Variants in KAZN observed in about 807,000 individuals in gnomAD.
KAZN encodes the protein kazrin.
A neutral mutation model predicts 87.4 loss-of-function variants in KAZN; 40 were observed. The ratio of observed to expected loss-of-function variants is 0.46; its 90% CI spans 0.36 to 0.60. The LOEUF is 0.60. Ranked by LOEUF, KAZN falls within the 20% of genes least tolerant of loss-of-function variation. The pLI, the probability that KAZN is intolerant of heterozygous loss-of-function variation, is 0.00. For missense variants in KAZN, 898 were observed against 1,073.9 expected (o/e 0.84, Z 2.29); for synonymous variants, 466 against 458.3 (o/e 1.02, Z -0.22).
At chr1:15,045,409 T>C (rs188673841) in intron 4 of KAZN, among the ~76,000 whole-genome samples, 24 of 152,312 alleles carry the variant, frequency 1.6e-4, no homozygotes, top group African/African-American at 5.3e-4. Context: ...ACAGAGATAA[T>C]GGCATATGTA....
At chr1:14,795,103 G>A (rs1468733548) in intron 1 of KAZN, among the ~76,000 whole-genome samples, 1 of 152,146 alleles carries the variant, frequency 6.6e-6, no homozygotes, top group African/African-American at 2.4e-5. Flanking sequence ...GAGGTTTTGG[G>A]ACTTGGACTG....
Position 14,949,407 on chromosome 1 carries a change from A to G in KAZN, c.227-11277A>G, listed in dbSNP as rs1662215466. On this transcript the variant is annotated intron_variant, in intron 1 of 14. Coordinates refer to ENST00000376030, the MANE Select transcript of KAZN (RefSeq NM_201628.3). The surrounding 1 kb of genome is among the most constrained non-coding windows in gnomAD (Gnocchi z 4.3). Reference sequence around the variant, plus strand: ...TGCCCAAGCAAATTCCCAAGTAGGTAGGAGCAGACTGTTCATAAGTCATCA... The same window carrying G: ...TGCCCAAGCAAATTCCCAAGTAGGTGGGAGCAGACTGTTCATAAGTCATCA... 6.6e-6 allele frequency among the ~76,000 whole-genome samples: 1 copy of G among 152,134 alleles called. No individual in the cohort carries two copies. The highest frequency in any genetic ancestry group is 2.4e-5 in the African/African-American group (1 of 41,408).
At chr1:14,497,335 T>TAAA (rs70997150) in intron 2 of KAZN, among the ~76,000 whole-genome samples, 1 of 76,418 alleles carries the variant, frequency 1.3e-5, no homozygotes, top group Admixed American at 1.6e-4. Flanking sequence ...ATTCTGTTAC[T>TAAA]AAAAAAAAAA....
chr1:14,053,901 C>A (rs1642441761), intron 1 of KAZN, among the ~76,000 whole-genome samples: 2 of 152,024 alleles, frequency 1.3e-5, no homozygotes, highest in South Asian at 4.1e-4. Flanking sequence ...ATTGTGCCTT[C>A]TTACAATAAA....
intron 1 of KAZN, among the ~76,000 whole-genome samples, chr1:14,921,167 C>CACAT (rs1302679539): frequency 6.6e-6 from 1 of 151,566 alleles, no homozygotes; most frequent in African/African-American, 2.4e-5. Context: ...CACACACACA[C>CACAT]ACACACACAC....
intron 1 of KAZN, among the ~76,000 whole-genome samples, chr1:14,137,605 C>T (rs1645134841): frequency 6.6e-6 from 1 of 150,780 alleles, no homozygotes; most frequent in Non-Finnish European, 1.5e-5. Context: ...TAATAATATT[C>T]ATTTCAGGGG....
chr1:14,987,016 G>A (rs546214335), intron 2 of KAZN, among the ~76,000 whole-genome samples: 12 of 152,280 alleles, frequency 7.9e-5, no homozygotes, highest in African/African-American at 2.9e-4. Flanking sequence ...GGCACTGAGG[G>A]TATCGAGTCC....
intron 1 of KAZN, among the ~76,000 whole-genome samples, chr1:14,140,535 C>A (rs12406453): frequency 3.3e-5 from 5 of 152,002 alleles, no homozygotes; most frequent in African/African-American, 4.8e-5. Context: ...CTTCCCACCC[C>A]CCTTTTCGCT....
At chr1:14,658,072 G>A (rs1206916972) in intron 1 of KAZN, among the ~76,000 whole-genome samples, 1 of 152,168 alleles carries the variant, frequency 6.6e-6, no homozygotes, top group African/African-American at 2.4e-5. Context: ...CAAAGCAATT[G>A]CACCTGGAGT....
At chr1:14,942,265 C>G (rs1368333074) in intron 1 of KAZN, among the ~76,000 whole-genome samples, 1 of 152,106 alleles carries the variant, frequency 6.6e-6, no homozygotes, top group Non-Finnish European at 1.5e-5. Flanking sequence ...CACAAGTGAT[C>G]ATGGCATTAT....
intron 3 of KAZN, among the ~76,000 whole-genome samples, chr1:15,036,135 A>G (rs1248111023): frequency 6.6e-6 from 1 of 151,928 alleles, no homozygotes; most frequent in Non-Finnish European, 1.5e-5. Context: ...CCAGGCCACC[A>G]CAGCCCCTGA....
chr1:14,058,782 G>A (rs1053596334), intron 1 of KAZN, among the ~76,000 whole-genome samples: 30 of 152,184 alleles, frequency 2.0e-4, no homozygotes, highest in African/African-American at 5.8e-4. Context: ...GTTGCAAAAG[G>A]TCTCTCTGAG....
chr1:14,562,518 A>G (rs367894986), intron 2 of KAZN, among the ~76,000 whole-genome samples: 6 of 152,324 alleles, frequency 3.9e-5, no homozygotes, highest in African/African-American at 1.4e-4. Flanking sequence ...TTGATATCCT[A>G]AGCTAGTTCT....
intron 2 of KAZN, among the ~76,000 whole-genome samples, chr1:14,415,865 T>G (rs1664713811): frequency 6.6e-6 from 1 of 152,062 alleles, no homozygotes; most frequent in Non-Finnish European, 1.5e-5. Flanking sequence ...AAAAATGTAC[T>G]TGAAAGCAGA....
intron 1 of KAZN, chr1:14,945,836 G>T: frequency 7.1e-6 from 7 of 984,154 alleles, no homozygotes; most frequent in Non-Finnish European, 8.4e-6. Flanking sequence ...TGTCCGCTCC[G>T]GCCCGGAAGA....
intron 2 of KAZN, among the ~76,000 whole-genome samples, chr1:14,576,992 G>A (rs1303512759): frequency 1.3e-5 from 2 of 152,144 alleles, no homozygotes; most frequent in Non-Finnish European, 2.9e-5. Context: ...TTAAGAACTG[G>A]TAAATAGGGC....
chr1:14,957,585 G>A lies in KAZN; in HGVS notation c.227-3099G>A, dbSNP rs533068362. Among the ~76,000 whole-genome samples the A allele has an allele frequency of 7.2e-5, 11 of 152,340 alleles. No individual in the cohort carries two copies. In the South Asian group the frequency reaches 1.5e-3, roughly 20 times the overall value. On this transcript the variant is annotated intron_variant, in intron 1 of 14. Coordinates refer to ENST00000376030, the MANE Select transcript of KAZN (RefSeq NM_201628.3). ...CGGGGTTTTGTCCGGGTTGCCTGCC[G>A]TGCTGTTGACGCTGGACAGGAGCGG...
Position 14,662,962 on chromosome 1 carries a change from C to G in KAZN, c.226+63739C>G, listed in dbSNP as rs1317693394. Among the ~76,000 whole-genome samples, 3 of 121,760 alleles carry G rather than the reference C, an allele frequency of 2.5e-5. No individual in the cohort carries two copies. The East Asian group carries it at 7.1e-4, about 29-fold the overall frequency. The allele number at this position is 121,760 out of a possible 152,430, so 79.9% of individuals were successfully genotyped here. ...ATATGTAAATATATATATATATGCA[C>G]ACATATATATATATATATATTTTAG... On this transcript the variant is annotated intron_variant, in intron 1 of 14. Coordinates refer to ENST00000376030, the MANE Select transcript of KAZN (RefSeq NM_201628.3).
At chr1:14,623,058 A>C (rs970049598) in intron 1 of KAZN, among the ~76,000 whole-genome samples, 1 of 152,222 alleles carries the variant, frequency 6.6e-6, no homozygotes, top group Admixed American at 6.5e-5. Flanking sequence ...ACAATTTCTC[A>C]CAGAAAATCG....
Sources: gnomAD v4.1 joint callset for allele counts (sites outside exome capture counted in the v4.1 genomes callset) on GRCh38, gnomAD v4.1.1 for gene constraint, Gnocchi (gnomAD v3.1) non-coding constraint, MANE v1.5 for transcripts, NCBI Gene and HGNC (gene_info 2026-07-23, HGNC 2026-07-21) for gene names.